DNAH14: variants seen among roughly 807,000 people sequenced by gnomAD.
The protein encoded by DNAH14 is dynein axonemal heavy chain 14, also known as axonemal beta dynein heavy chain 14.
A neutral mutation model predicts 520.9 loss-of-function variants in DNAH14; 478 were observed. The ratio of observed to expected loss-of-function variants is 0.92; its 90% CI spans 0.85 to 0.99. DNAH14 has a LOEUF of 0.99. Among genes scored for constraint, DNAH14 ranks in the 50% least tolerant of loss-of-function variants. The pLI, the probability that DNAH14 is intolerant of heterozygous loss-of-function variation, is 0.00. For missense variants in DNAH14, 4,831 were observed against 5,234.5 expected (o/e 0.92, Z 2.38); for synonymous variants, 1,581 against 1,757.2 (o/e 0.90, Z 2.51).
intron 1 of DNAH14, among the ~76,000 whole-genome samples, chr1:224,939,722 A>G (rs1480259772): frequency 6.6e-5 from 10 of 152,102 alleles, no homozygotes; most frequent in Admixed American, 6.6e-4. Flanking sequence ...TGTTCAAATA[A>G]TAAACATCTG....
At chr1:225,320,362 T>C (rs1454902876) in intron 61 of DNAH14, among the ~76,000 whole-genome samples, 3 of 152,228 alleles carry the variant, frequency 2.0e-5, no homozygotes, top group Non-Finnish European at 4.4e-5. Context: ...AGATTTCCTC[T>C]GATCAAGTAG....
At chr1:225,038,549 G>A (rs775762969) in intron 11 of DNAH14, 145 bp from the exon 12 acceptor site, 2 of 657,620 alleles carry the variant, frequency 3.0e-6, no homozygotes, top group Non-Finnish European at 4.9e-6. Flanking sequence ...GTCCATTTGT[G>A]TATCTTCTTT....
At chr1:225,346,958 G>A (rs1325753151) in intron 71 of DNAH14, among the ~76,000 whole-genome samples, 3 of 152,126 alleles carry the variant, frequency 2.0e-5, no homozygotes, top group African/African-American at 4.8e-5. Flanking sequence ...ACCCCAATTA[G>A]AGTTGCCCTC....
rs116195393 is a variant in DNAH14 at position 225,062,318 on chromosome 1, G to A, written c.2424+10523G>A. ...TATCTCAAAAAGAGAGAGAGAGAGA[G>A]AAAGAAAGAGAAATAAATAAATAAA... On this transcript the variant is annotated intron_variant, in intron 17 of 85. Transcript: ENST00000682510. Among the ~76,000 whole-genome samples the A allele has an allele frequency of 5.1e-3, 780 of 152,024 alleles. 6 individuals are homozygous for A. The highest frequency in any genetic ancestry group is 0.017 in the African/African-American group (721 of 41,476).
intron 37 of DNAH14, among the ~76,000 whole-genome samples, chr1:225,186,301 T>A (rs1472327067): frequency 6.6e-6 from 1 of 151,814 alleles, no homozygotes; most frequent in Non-Finnish European, 1.5e-5. Context: ...TTTCCCTTCA[T>A]GCAAATTTTC....
chr1:225,057,712 T>C (rs1240321659), intron 17 of DNAH14, among the ~76,000 whole-genome samples: 1 of 152,252 alleles, frequency 6.6e-6, no homozygotes, highest in Non-Finnish European at 1.5e-5. Flanking sequence ...CATCAATACC[T>C]AATTTATTGA....
chr1:225,006,138 T>C (rs2064151152), intron 9 of DNAH14, among the ~76,000 whole-genome samples: 1 of 152,198 alleles, frequency 6.6e-6, no homozygotes, highest in Non-Finnish European at 1.5e-5. Flanking sequence ...CATGGGCATT[T>C]ATCACTTCCC....
At chr1:224,985,816 G>C (rs1051726846) in intron 8 of DNAH14, among the ~76,000 whole-genome samples, 1 of 151,760 alleles carries the variant, frequency 6.6e-6, no homozygotes, top group Non-Finnish European at 1.5e-5. Context: ...GCAGAAGAAA[G>C]AATTGGTGAG....
rs79339727 is a variant in DNAH14 at position 225,333,020 on chromosome 1, T to A, written c.9865-271T>A. 4.6e-3 allele frequency among the ~76,000 whole-genome samples: 704 copies of A among 151,832 alleles called. 4 individuals carry two copies. The highest frequency in any genetic ancestry group is 0.016 in the African/African-American group (651 of 41,416). On this transcript the variant is annotated intron_variant, in intron 65 of 85. Coordinates refer to ENST00000682510, the MANE Select transcript of DNAH14 (RefSeq NM_001367479.1). ...ACCCTGTCTCTAAAAGAAAAAAAAA[T>A]TGTCCTGCTTTATTACACAAAGGAT...
chr1:225,002,720 C>T (rs1433831668), intron 8 of DNAH14, 63 bp from the exon 9 acceptor site: 1 of 1,441,566 alleles, frequency 6.9e-7, no homozygotes, highest in Non-Finnish European at 9.5e-7. Flanking sequence ...CACTACTTAC[C>T]TCTAAATTAA....
At chr1:225,186,405 G>A (rs1299867509) in intron 37 of DNAH14, among the ~76,000 whole-genome samples, 2 of 151,654 alleles carry the variant, frequency 1.3e-5, no homozygotes, top group Non-Finnish European at 3.0e-5. Flanking sequence ...AATATGTATG[G>A]ACTACCTAAA....
chr1:225,025,589 C>T (rs1004283764), intron 11 of DNAH14, among the ~76,000 whole-genome samples: 1 of 151,170 alleles, frequency 6.6e-6, no homozygotes, highest in Non-Finnish European at 1.5e-5. Context: ...ACAACAACAA[C>T]ATCAAAACTA....
At chr1:224,993,917 T>C (rs954486445) in intron 8 of DNAH14, among the ~76,000 whole-genome samples, 3 of 152,120 alleles carry the variant, frequency 2.0e-5, no homozygotes, top group Admixed American at 2.0e-4. Context: ...TTAAATTTCA[T>C]TTTTAATTTC....
rs1217185124 is a variant in DNAH14 at position 225,051,745 on chromosome 1, C to A, written c.2374C>A (p.His792Asn). The change falls in exon 17 of 86, where the codon CAC (histidine) becomes AAC (asparagine). Residue 792 changes from histidine to asparagine, a missense_variant. Transcript: ENST00000682510. ...TATTGACAACGTCATACATATGAGC[C>A]ACACCCTCATACAATCTGTAATTGA... ...LYIDNVIHMS[H>N]TLIQSVIEKK... The A allele has an allele frequency of 1.3e-6, 2 of 1,545,706 alleles. No individual in the cohort carries two copies. Among genetic ancestry groups the A allele is most frequent in the Non-Finnish European group, 8.7e-7 (1 of 1,145,026 alleles).
chr1:225,303,220 A>C lies in DNAH14; in HGVS notation c.8696A>C (p.Asn2899Thr). The change falls in exon 57 of 86, where the codon AAT becomes ACT. Residue 2899 changes from asparagine to threonine, a missense_variant. Coordinates refer to ENST00000682510, the MANE Select transcript of DNAH14 (RefSeq NM_001367479.1). ...CCTGAAGGACCTAGCTTCCGCCAAA[A>C]TTGTAGAGTGTATCCTTCTATGATT... ...MSPEGPSFRQ[N>T]CRVYPSMISS... 1 of 1,547,186 alleles carries C rather than the reference A, an allele frequency of 6.5e-7. No homozygotes were observed. The highest frequency in any genetic ancestry group is 1.2e-5 in the South Asian group (1 of 82,492).
chr1:224,959,798 A>G (rs2060731947), intron 3 of DNAH14, among the ~76,000 whole-genome samples: 1 of 152,150 alleles, frequency 6.6e-6, no homozygotes, highest in South Asian at 2.1e-4. Flanking sequence ...CTTTTGTATC[A>G]ACCTAATAAT....
In DNAH14 at chr1:224,967,518, G is replaced by C. The variant is rs559085893; in HGVS notation, c.586G>C (p.Val196Leu). Residue 196 changes from valine to leucine, a missense_variant, in exon 6 of 86, where the codon GTA (valine) becomes CTA (leucine). Transcript: ENST00000682510. ...TTACAATCCATATGATCTTCAGGTAGTATCGGCTCATACTGCTAAACATTG... is the reference window on the plus strand; with the variant it reads ...TTACAATCCATATGATCTTCAGGTACTATCGGCTCATACTGCTAAACATTG... ...SLYNPYDLQV[V>L]SAHTAKHCKE... is the part of the protein sequence containing the mutation. The C allele has an allele frequency of 4.0e-4, 641 of 1,604,048 alleles. 5 individuals carry two copies. The South Asian group carries it at 6.8e-3, about 17-fold the overall frequency.
intron 38 of DNAH14, among the ~76,000 whole-genome samples, chr1:225,193,134 A>G (rs570029216): frequency 6.6e-6 from 1 of 152,282 alleles, no homozygotes; most frequent in African/African-American, 2.4e-5. Flanking sequence ...GAAGTTAAAG[A>G]TATTTGCTTT....
intron 21 of DNAH14, among the ~76,000 whole-genome samples, chr1:225,093,046 A>G (rs1445542236): frequency 6.6e-6 from 1 of 151,266 alleles, no homozygotes; most frequent in East Asian, 1.9e-4. Flanking sequence ...TCAAGAATAG[A>G]TCACAGCCAA....
Sources: allele counts gnomAD v4.1 joint callset (sites outside exome capture counted in the v4.1 genomes callset), GRCh38; gene constraint gnomAD v4.1.1; transcripts MANE v1.5; gene names NCBI Gene and HGNC (gene_info 2026-07-23, HGNC 2026-07-21).